The following LMF1 variants were observed in gnomAD, a reference collection of about 807,000 sequenced individuals.
The protein encoded by LMF1 is transmembrane protein 112.
Under a neutral mutation model 60.6 loss-of-function variants are expected in LMF1, and 68 were observed. That is an observed-to-expected ratio of 1.12 (90% confidence interval 0.92 to 1.37). The LOEUF is 1.37. Ranked by LOEUF, LMF1 falls within the 40% of genes most tolerant of loss-of-function variation. The pLI, the probability that LMF1 is intolerant of heterozygous loss-of-function variation, is 0.00. For missense variants in LMF1, 948 were observed against 767.2 expected, an observed-to-expected ratio of 1.24 and a Z score of -2.78; for synonymous variants, 418 against 324.7, an observed-to-expected ratio of 1.29 and a Z score of -3.09.
chr16:890,334 G>A (rs1448186144), intron 5 of LMF1, among the ~76,000 whole-genome samples: 1 of 152,224 alleles, frequency 6.6e-6, no homozygotes, highest in Non-Finnish European at 1.5e-5. Context: ...TCCCAACTCA[G>A]CGGGGCTCCC....
intron 5 of LMF1, among the ~76,000 whole-genome samples, chr16:881,087 G>A (rs1036167492): frequency 6.6e-6 from 1 of 152,204 alleles, no homozygotes; most frequent in Non-Finnish European, 1.5e-5. Context: ...GAGAGGCTAC[G>A]TGGAAGTCGG....
chr16:947,209 T>C (rs1567292569), intron 2 of LMF1, among the ~76,000 whole-genome samples: 1 of 152,250 alleles, frequency 6.6e-6, no homozygotes, highest in Non-Finnish European at 1.5e-5. Flanking sequence ...ACGGGGTCCC[T>C]GAACCTTGTG....
chr16:918,979 G>T (rs1191631326), intron 3 of LMF1, among the ~76,000 whole-genome samples: 1 of 152,070 alleles, frequency 6.6e-6, no homozygotes, highest in Admixed American at 6.5e-5. Context: ...ACGAGCTCTC[G>T]GCACCTGCTC....
chr16:855,017 GGT>G, intron 10 of LMF1: 1 of 480,316 alleles, frequency 2.1e-6, no homozygotes, highest in South Asian at 2.1e-5. Flanking sequence ...GAGCTTCACG[GGT>G]GGCACTGAGC....
intron 4 of LMF1, among the ~76,000 whole-genome samples, chr16:906,417 T>G (rs1172664163): frequency 6.6e-6 from 1 of 151,972 alleles, no homozygotes; most frequent in Non-Finnish European, 1.5e-5. Context: ...CCAGAGAATA[T>G]AAAGCAGGCA....
upstream of LMF1, chr16:981,437 G>T (rs117757833): frequency 3.3e-6 from 1 of 300,800 alleles, no homozygotes; most frequent in South Asian, 2.3e-5. Context: ...GCGTCAGGAC[G>T]GGGGGCGGAC....
At chr16:877,168 C>CA (rs1433042408) in intron 6 of LMF1, among the ~76,000 whole-genome samples, 8 of 152,136 alleles carry the variant, frequency 5.3e-5, no homozygotes, top group South Asian at 4.1e-4. Context: ...CCCAGCTCTA[C>CA]AAAAAATGAA....
rs911870820 is a variant in LMF1, at chr16:946,462, G to A, written c.503+7895C>T. Among the ~76,000 whole-genome samples the A allele has an allele frequency of 3.3e-5, 5 of 152,206 alleles. No homozygotes were observed. In the East Asian group the frequency reaches 5.8e-4, roughly 18 times the overall value. ...CTCTGCAGAAGGCACCCACGGCCACGCTGTCCTGTGGCCTCCTATCCAGGG... is the reference window on the plus strand; with the variant it reads ...CTCTGCAGAAGGCACCCACGGCCACACTGTCCTGTGGCCTCCTATCCAGGG... On this transcript the variant is annotated intron_variant, in intron 2 of 10. Coordinates refer to ENST00000262301, the MANE Select transcript of LMF1 (RefSeq NM_022773.4).
chr16:980,287 G>C (rs2073311022), intron 1 of LMF1: 1 of 157,302 alleles, frequency 6.4e-6, no homozygotes, highest in Admixed American at 6.2e-5. Flanking sequence ...TCTGCGGACG[G>C]GGGCGGGCGG....
intron 9 of LMF1, chr16:869,646 T>G (rs1268820111): frequency 3.0e-6 from 2 of 657,310 alleles, no homozygotes; most frequent in Admixed American, 2.1e-5. Flanking sequence ...ATTCCTGGCA[T>G]GAGACACTAC....
chr16:907,311 G>A (rs887595284), intron 4 of LMF1, among the ~76,000 whole-genome samples: 5 of 152,102 alleles, frequency 3.3e-5, no homozygotes, highest in African/African-American at 1.2e-4. Context: ...TGAGGCAGGA[G>A]AATGGCGTGA....
rs1490533263 is a variant in LMF1 at position 954,646 on chromosome 16, A to T, written c.214T>A (p.Phe72Ile). The T allele has an allele frequency of 6.2e-7, 1 of 1,600,880 alleles. No individual in the cohort carries two copies. The highest frequency in any genetic ancestry group is 1.1e-5 in the South Asian group (1 of 90,264). ...CCGATGAGCTGCTTGTTCTGATGGA[A>T]AGCCACCAGGAATGCCACGACTGGA... is the stretch of plus-strand genomic sequence containing the variant. ...FVYFVAFLVA[F>I]HQNKQLIGDR... is the part of the protein sequence containing the mutation. The change falls in exon 2 of 11, where the codon TTC becomes ATC. Residue 72 changes from phenylalanine (F) to isoleucine (I), a missense_variant. Phe to Ile is a conservative substitution (Grantham distance 21). Coordinates refer to ENST00000262301, the MANE Select transcript of LMF1 (RefSeq NM_022773.4).
At chr16:946,883 C>T (rs1269989865) in intron 2 of LMF1, among the ~76,000 whole-genome samples, 1 of 152,198 alleles carries the variant, frequency 6.6e-6, no homozygotes, top group African/African-American at 2.4e-5. Context: ...GTAAATGACC[C>T]GATGACAGTT....
chr16:888,014 C>T (rs7191713), intron 5 of LMF1, among the ~76,000 whole-genome samples: 9,288 of 152,262 alleles, frequency 0.061, 708 homozygotes, highest in African/African-American at 0.15. Context: ...TGGGCCCCAG[C>T]GGTGAGTCGA....
At chr16:917,268 C>G (rs115831022) in intron 3 of LMF1, among the ~76,000 whole-genome samples, 4 of 150,926 alleles carry the variant, frequency 2.7e-5, no homozygotes, top group Non-Finnish European at 5.9e-5. Flanking sequence ...CGCAGGCCCA[C>G]GTGAAGAAAT....
chr16:869,814 C>T, intron 9 of LMF1, 69 bp downstream of exon 9: 1 of 1,504,900 alleles, frequency 6.6e-7, no homozygotes, highest in Non-Finnish European at 9.0e-7. Context: ...TTCTAGAAAC[C>T]TGCCATCTAT....
chr16:862,657 G>A lies in LMF1; in HGVS notation c.1529+6287C>T, dbSNP rs147515981. Among the ~76,000 whole-genome samples, 288 of 151,946 alleles carry A rather than the reference G, an allele frequency of 1.9e-3. 1 individual carries two copies. Among genetic ancestry groups the A allele is most frequent in the African/African-American group, 6.5e-3 (271 of 41,412 alleles). On this transcript the variant is annotated intron_variant, in intron 10 of 10. Transcript: ENST00000262301. ...AGGACTGCCTGAGCCCAGGAGTTTG[G>A]GACCAGCCAGGGCACCATGGCAAGA...
Position 882,282 on chromosome 16 carries a change from C to G in LMF1, c.730-2545G>C, listed in dbSNP as rs374407171. Reference sequence around the variant, plus strand: ...GGCTCAGCTGTAGTGGCCACTGCCCCTCCTGAGCATGGCTCGCCTCCCCTG... The same window carrying G: ...GGCTCAGCTGTAGTGGCCACTGCCCGTCCTGAGCATGGCTCGCCTCCCCTG... On this transcript the variant is annotated intron_variant, in intron 5 of 10. Transcript: ENST00000262301. Among the ~76,000 whole-genome samples the G allele has an allele frequency of 1.9e-3, 287 of 152,382 alleles. 8 individuals are homozygous for G. In the South Asian group the frequency reaches 0.057, roughly 30 times the overall value.
chr16:872,825 C>G (rs184222764), intron 6 of LMF1: 1 of 152,412 alleles, frequency 6.6e-6, no homozygotes, highest in South Asian at 2.1e-4. Flanking sequence ...GGGACCAAAG[C>G]GACCTGGGGC....
Sources: gnomAD v4.1 joint callset for allele counts (sites outside exome capture counted in the v4.1 genomes callset) on GRCh38, gnomAD v4.1.1 for gene constraint, MANE v1.5 for transcripts, NCBI Gene and HGNC (gene_info 2026-07-23, HGNC 2026-07-21) for gene names.